Variants in NUP214 observed in about 807,000 individuals in gnomAD.
The protein encoded by NUP214 is nucleoporin 214.
Under a neutral mutation model 196.2 loss-of-function variants are expected in NUP214, and 79 were observed. That is an observed-to-expected ratio of 0.40 (90% CI 0.34 to 0.49). The LOEUF (loss-of-function observed/expected upper bound fraction) is 0.49. Ranked by LOEUF, NUP214 falls within the 20% of genes least tolerant of loss-of-function variation. NUP214 has a pLI of 0.58. For synonymous variants in NUP214, 1,020 were observed against 990.5 expected, an observed-to-expected ratio of 1.03 and a Z score of -0.56; for missense variants, 2,468 against 2,539.0, an observed-to-expected ratio of 0.97 and a Z score of 0.60.
chr9:131,141,400 A>G (rs986912329), intron 11 of NUP214, among the ~76,000 whole-genome samples: 2 of 152,176 alleles, frequency 1.3e-5, no homozygotes, highest in African/African-American at 4.8e-5. Flanking sequence ...CCTCCATGAA[A>G]ATGAATGCAC....
chr9:131,132,965 C>A (rs1831603121), intron 6 of NUP214, 141 bp from the exon 7 acceptor site: 1 of 701,996 alleles, frequency 1.4e-6, no homozygotes, highest in Non-Finnish European at 2.5e-6. Context: ...GGTCATTGTA[C>A]CTGTGCATTA....
Position 131,227,879 on chromosome 9 carries a change from G to A in NUP214, c.5903-281G>A, listed in dbSNP as rs147707115. Among the ~76,000 whole-genome samples the A allele has an allele frequency of 4.2e-3, 640 of 151,680 alleles. 5 individuals carry two copies. Among genetic ancestry groups the A allele is most frequent in the African/African-American group, 0.015 (610 of 41,322 alleles). On this transcript the variant is annotated intron_variant, in intron 32 of 35. Coordinates refer to ENST00000359428, the MANE Select transcript of NUP214 (RefSeq NM_005085.4). Reference sequence around the variant, plus strand: ...CAGTGACTTCACAGGGTCTGCAGGAGCTCTCCTGAGTGGACCCCAGAGCCC... The same window carrying A: ...CAGTGACTTCACAGGGTCTGCAGGAACTCTCCTGAGTGGACCCCAGAGCCC...
intron 30 of NUP214, among the ~76,000 whole-genome samples, chr9:131,203,978 C>A (rs1431840036): frequency 6.6e-6 from 1 of 152,296 alleles, no homozygotes; most frequent in East Asian, 1.9e-4. Flanking sequence ...CAGGTCTCAG[C>A]CCCTGACTAG....
intron 32 of NUP214, among the ~76,000 whole-genome samples, chr9:131,223,570 A>G (rs1267621465): frequency 6.6e-6 from 1 of 151,796 alleles, no homozygotes; most frequent in Non-Finnish European, 1.5e-5. Context: ...AGGAAATGAT[A>G]ACTGAAGTAT....
At chr9:131,127,957 T>G (rs1343514607) in intron 2 of NUP214, among the ~76,000 whole-genome samples, 1 of 152,234 alleles carries the variant, frequency 6.6e-6, no homozygotes, top group Non-Finnish European at 1.5e-5. Flanking sequence ...ATGCCATGCT[T>G]TTATTTTTGC....
chr9:131,224,793 T>C (rs894119290), intron 32 of NUP214, among the ~76,000 whole-genome samples: 8 of 152,216 alleles, frequency 5.3e-5, no homozygotes, highest in Non-Finnish European at 8.8e-5. Context: ...TGTTTAAAAA[T>C]GAAAGGGCCA....
In NUP214 at chr9:131,201,633, T is replaced by C. The variant is rs751292680; in HGVS notation, c.5522-14T>C. On this transcript the variant is annotated splice_polypyrimidine_tract_variant and intron_variant, in intron 29 of 35. Transcript: ENST00000359428. ...CAATCCAAATTGAATTTTTGTTTTC[T>C]TTGTATTTTACAGGTTTTGGGTCTA... 1 of 1,610,026 alleles carries C rather than the reference T, an allele frequency of 6.2e-7. No individual in the cohort carries two copies. The highest frequency in any genetic ancestry group is 2.2e-5 in the East Asian group (1 of 44,874).
At chr9:131,186,035 C>G (rs1833441965) in intron 24 of NUP214, among the ~76,000 whole-genome samples, 1 of 152,126 alleles carries the variant, frequency 6.6e-6, no homozygotes, top group Non-Finnish European at 1.5e-5. Flanking sequence ...CCTTTGTAAT[C>G]CTTGTGAGCT....
chr9:131,195,984 A>G (rs1833766645), intron 28 of NUP214, among the ~76,000 whole-genome samples: 1 of 113,772 alleles, frequency 8.8e-6, no homozygotes, highest in Non-Finnish European at 1.6e-5. Context: ...AGATTGTGCC[A>G]TTGCACTCCA....
chr9:131,230,735 T>A lies in NUP214; in HGVS notation c.6180T>A (p.Ser2060Arg). ...SQQTSGFGTQ[S>R]SGFSGFGSGT... is the part of the protein sequence containing the mutation. ...AGACTTCTGGTTTTGGGACCCAGAGTAGCGGATTCTCTGGTTTTGGATCAG... is the reference window on the plus strand; with the variant it reads ...AGACTTCTGGTTTTGGGACCCAGAGAAGCGGATTCTCTGGTTTTGGATCAG... The change falls in exon 34 of 36, where the codon AGT (serine) becomes AGA (arginine). Residue 2060 changes from serine to arginine, a missense_variant. Ser to Arg is a moderately radical substitution (Grantham distance 110). Transcript: ENST00000359428. 1 of 1,613,994 alleles carries A rather than the reference T, an allele frequency of 6.2e-7. No individual in the cohort carries two copies.
At chr9:131,223,727 A>ATTTATTTATTTTATTTTTTTTTTTTTTTT in intron 32 of NUP214, among the ~76,000 whole-genome samples, 1 of 15,642 alleles carries the variant, frequency 6.4e-5, no homozygotes, top group Non-Finnish European at 1.4e-4. Context: ...TTATTTATTT[A>ATTTATTTATTTTATTTTTTTTTTTTTTTT]TTTTTTTTTT....
intron 7 of NUP214, among the ~76,000 whole-genome samples, chr9:131,134,629 C>A (rs182415082): frequency 1.4e-4 from 22 of 152,108 alleles, no homozygotes; most frequent in African/African-American, 5.1e-4. Flanking sequence ...GTCTAGTATA[C>A]ACATGAGAAC....
chr9:131,227,724 G>A (rs1189895171), intron 32 of NUP214, among the ~76,000 whole-genome samples: 3 of 152,154 alleles, frequency 2.0e-5, no homozygotes, highest in East Asian at 3.9e-4. Flanking sequence ...AATATAGTCT[G>A]TCATCTTTTG....
intron 19 of NUP214, 148 bp downstream of exon 19, chr9:131,163,321 T>C: frequency 1.5e-6 from 1 of 686,600 alleles, no homozygotes; most frequent in Non-Finnish European, 2.3e-6. Flanking sequence ...TCTCTGATCC[T>C]TTGTTTCTTT....
chr9:131,134,955 A>C lies in NUP214; in HGVS notation c.889A>C (p.Ser297Arg). 6.2e-7 allele frequency: 1 copy of C among 1,614,000 alleles called. No homozygotes were observed. Among genetic ancestry groups the C allele is most frequent in the Non-Finnish European group, 8.5e-7 (1 of 1,179,928 alleles). Reference sequence around the variant, plus strand: ...GAACTTTATGGAGCCCTGTTATGGCAGCTGCACGGAGAGACAGCATCATTA... The same window carrying C: ...GAACTTTATGGAGCCCTGTTATGGCCGCTGCACGGAGAGACAGCATCATTA... ...FVNFMEPCYGSCTERQHHYYL... is the reference protein window; with the variant it reads ...FVNFMEPCYGRCTERQHHYYL... Residue 297 changes from serine to arginine, a missense_variant, in exon 8 of 36, where the codon AGC becomes CGC. By Grantham distance (110) the Ser-to-Arg change is moderately radical. Coordinates refer to ENST00000359428, the MANE Select transcript of NUP214 (RefSeq NM_005085.4).
intron 18 of NUP214, among the ~76,000 whole-genome samples, chr9:131,160,118 T>G (rs1239666136): frequency 6.6e-6 from 1 of 152,076 alleles, no homozygotes; most frequent in Non-Finnish European, 1.5e-5. Context: ...TAGCATGTTC[T>G]CCAATAAATT....
Position 131,178,375 on chromosome 9 carries a change from GAAGAATAACCCTGC to G in NUP214, c.3387_3400del (p.Lys1129AsnfsTer28). On this transcript the variant is annotated frameshift_variant, in exon 24 of 36. Coordinates refer to ENST00000359428, the MANE Select transcript of NUP214 (RefSeq NM_005085.4). LOFTEE classifies it high-confidence loss of function. The stretch of plus-strand genomic sequence containing the variant: ...CTCAAGTGGTAAATGTGCAGGAATT[GAAGAATAACCCTGC>G]AACCCCTTCTACAGCCATGGGGTAT... The G allele has an allele frequency of 6.2e-7, 1 of 1,613,936 alleles. No homozygotes were observed. The highest frequency in any genetic ancestry group is 8.5e-7 in the Non-Finnish European group (1 of 1,179,802).
chr9:131,192,226 C>G lies in NUP214; in HGVS notation c.3593C>G (p.Thr1198Arg). The G allele has an allele frequency of 2.8e-6, 2 of 706,348 alleles. No individual in the cohort carries two copies. Among genetic ancestry groups the G allele is most frequent in the Non-Finnish European group, 4.3e-6 (2 of 467,112 alleles). 43.8% of individuals were successfully genotyped at this position (706,348 alleles called of 1,614,324 possible). Residue 1198 changes from threonine to arginine, a missense_variant, in exon 27 of 36, where the codon ACA (threonine) becomes AGA (arginine). By Grantham distance (71) the Thr-to-Arg change is moderately conservative (BLOSUM62 -1). Around this residue, in one of 5 missense-constraint regions of NUP214, gnomAD observed 1,801 missense variants for 1,779.4 expected, o/e 1.01. Transcript: ENST00000359428. ...DKASGTAKIE[T>R]AVTSTPSASG... ...ATTTCAGGGACAGCCAAGATAGAAACAGCTGTGACTTCAACCCCATCTGCT... is the reference window on the plus strand; with the variant it reads ...ATTTCAGGGACAGCCAAGATAGAAAGAGCTGTGACTTCAACCCCATCTGCT...
chr9:131,186,758 GA>G (rs1833459717), intron 24 of NUP214, among the ~76,000 whole-genome samples: 1 of 152,238 alleles, frequency 6.6e-6, no homozygotes, highest in South Asian at 2.1e-4. Context: ...CTGTAGCAAA[GA>G]TGCAGGTTGG....
Sources: gnomAD v4.1 joint callset for allele counts (sites outside exome capture counted in the v4.1 genomes callset) on GRCh38, gnomAD v4.1.1 for gene constraint, gnomAD v4.1.1 regional missense constraint, MANE v1.5 for transcripts, NCBI Gene and HGNC (gene_info 2026-07-23, HGNC 2026-07-21) for gene names.